Variants in TTN observed in about 807,000 individuals in gnomAD.
TTN encodes the protein connectin.
TTN carries 1,525 observed loss-of-function variants against 3,223.0 expected under a neutral mutation model. The observed-to-expected ratio is 0.47, with a 90% CI of 0.45 to 0.49. The LOEUF (loss-of-function observed/expected upper bound fraction) is 0.49, where lower values mean the gene tolerates loss of function less well. Among genes scored for constraint, TTN ranks in the 20% least tolerant of loss-of-function variants. The pLI, the probability that TTN is intolerant of heterozygous loss-of-function variation, is 0.00. For missense variants in TTN, 40,786 were observed against 43,424.0 expected (o/e 0.94, Z 5.40); for synonymous variants, 14,094 against 15,161.0 (o/e 0.93, Z 5.17).
rs769474668 is a variant in TTN, at chr2:178,776,334, C to A, written c.5530G>T (p.Val1844Phe). The A allele has an allele frequency of 1.7e-5, 28 of 1,613,824 alleles. No homozygotes were observed. The highest frequency in any genetic ancestry group is 2.2e-5 in the Non-Finnish European group (26 of 1,179,998). ...ACTCTAACTGGCTCTGGGTACAAGA[C>A]AATGTCTGGCTTTTGCTTTTCTTTC... Reference protein sequence around the residue: ...DQKEKQKPDIVLYPEPVRVLE... With the variant: ...DQKEKQKPDIFLYPEPVRVLE... The change falls in exon 28 of 363, where the codon GTC becomes TTC. Residue 1844 changes from valine to phenylalanine, a missense_variant. Transcript: ENST00000589042.
In TTN at chr2:178,756,669, C is replaced by G; in HGVS notation, c.10807G>C (p.Gly3603Arg). 12 of 1,613,802 alleles carry G rather than the reference C, an allele frequency of 7.4e-6. No homozygotes were observed. Among genetic ancestry groups the G allele is most frequent in the Non-Finnish European group, 1.0e-5 (12 of 1,179,814 alleles). The change falls in exon 46 of 363, where the codon GGA becomes CGA. Residue 3603 changes from glycine (G) to arginine (R), a missense_variant. Coordinates refer to ENST00000589042, the MANE Select transcript of TTN (RefSeq NM_001267550.2). ...ISQKEIKSFQ[G>R]SSYEYEVQVF... Reference sequence around the variant, plus strand: ...TGCACTTCATATTCATATGATGATCCTTGAAATGACTTAATTTCCTTTTGA... The same window carrying G: ...TGCACTTCATATTCATATGATGATCGTTGAAATGACTTAATTTCCTTTTGA...
rs770461143 is a variant in TTN, at chr2:178,613,918, A to G, written c.49365T>C (p.Thr16455=). ...TAGTGATATCAGAAGGTTCTAGGCG[A>G]GTTGGAGGACCAGGTGGATCTATAG... ...KYQFDPPGPP[T]RLEPSDITKD... Residue 16455 remains threonine (T), a synonymous_variant, in exon 263 of 363, where the codon ACT becomes ACC. Transcript: ENST00000589042. 1.2e-6 allele frequency: 2 copies of G among 1,608,226 alleles called. No homozygotes were observed. The highest frequency in any genetic ancestry group is 2.2e-5 in the South Asian group (2 of 90,134).
Position 178,604,044 on chromosome 2 carries a change from G to A in TTN, c.54643C>T (p.Arg18215Cys), listed in dbSNP as rs187167219. The A allele has an allele frequency of 2.0e-5, 33 of 1,612,842 alleles. No homozygotes were observed. In the East Asian group the frequency reaches 4.9e-4, roughly 24 times the overall value. The change falls in exon 282 of 363, where the codon CGT becomes TGT. Residue 18215 changes from arginine (R) to cysteine (C), a missense_variant. Arg to Cys is a radical substitution (Grantham distance 180). Transcript: ENST00000589042. ...KREEGSPYWS[R>C]VSRAPITKVG... ...TTGGTTATTGGTGCTCGGCTAACAC[G>A]TGACCAATAAGGACTTCCCTCTTCT...
Position 178,723,228 on chromosome 2 carries a change from G to A in TTN, c.21779C>T (p.Ser7260Phe), listed in dbSNP as rs187925021. The A allele has an allele frequency of 6.2e-7, 1 of 1,613,574 alleles. No homozygotes were observed. Among genetic ancestry groups the A allele is most frequent in the Non-Finnish European group, 8.5e-7 (1 of 1,179,668 alleles). ...AAAACCATCCTTTTTCCAAGTGACA[G>A]AAATTGGAAGTGTTCCAGTGTAGGT... ...ESTYTGTLPI[S>F]VTWKKDGFNI... is the part of the protein sequence containing the mutation. Residue 7260 changes from serine (S) to phenylalanine (F), a missense_variant, in exon 75 of 363, where the codon TCT becomes TTT. Transcript: ENST00000589042.
chr2:178,723,425 A>G lies in TTN; in HGVS notation c.21675T>C (p.Phe7225=). ...GAATCCACTTGAGCAAACCTTTCAC[A>G]AAGAGACGGGTAGTGCAAGATGCTT... ...AGQASCTTRL[F]VKEPAAFLKR... Residue 7225 remains phenylalanine, a synonymous_variant, in exon 74 of 363, where the codon TTT becomes TTC. Coordinates refer to ENST00000589042, the MANE Select transcript of TTN (RefSeq NM_001267550.2). 1 of 1,610,632 alleles carries G rather than the reference A, an allele frequency of 6.2e-7. No homozygotes were observed. The highest frequency in any genetic ancestry group is 8.5e-7 in the Non-Finnish European group (1 of 1,178,048).
chr2:178,800,173 C>G (rs888271334), intron 4 of TTN, among the ~76,000 whole-genome samples: 1 of 152,138 alleles, frequency 6.6e-6, no homozygotes, highest in Non-Finnish European at 1.5e-5. Context: ...TTAATTGAAA[C>G]CCTTTCCAGT....
Position 178,707,781 on chromosome 2 carries a change from G to A in TTN, c.28786C>T (p.Leu9596Phe), listed in dbSNP as rs2076095126. 5 of 1,609,320 alleles carry A rather than the reference G, an allele frequency of 3.1e-6. No homozygotes were observed. The highest frequency in any genetic ancestry group is 4.2e-6 in the Non-Finnish European group (5 of 1,176,554). Residue 9596 changes from leucine (L) to phenylalanine (F), a missense_variant, in exon 100 of 363, where the codon CTT becomes TTT. Leu to Phe is a conservative substitution (Grantham distance 22). Coordinates refer to ENST00000589042, the MANE Select transcript of TTN (RefSeq NM_001267550.2). ...PKKPPVFDQH[L>F]TPVTVSEGEY... ...CCTTCACTCACTGTTACTGGAGTAA[G>A]GTGCTGATCAAATACAGGTGGCTTC...
chr2:178,689,026 T>G, intron 125 of TTN, 27 bp downstream of exon 125: 2 of 1,430,584 alleles, frequency 1.4e-6, no homozygotes, highest in Non-Finnish European at 1.9e-6. Flanking sequence ...TTTTTTTTTT[T>G]TGTCAGAGGA....
rs117379921 is a variant in TTN at position 178,675,845 on chromosome 2, C to T, written c.34453+76G>A. 701 of 1,541,856 alleles carry T rather than the reference C, an allele frequency of 4.5e-4. 3 individuals are homozygous for T. The East Asian group carries it at 0.014, about 31-fold the overall frequency. Reference sequence around the variant, plus strand: ...GTAATATAAGTTGTATTAACAAATACGGAAACAGGACATTTTGACTTTTAT... The same window carrying T: ...GTAATATAAGTTGTATTAACAAATATGGAAACAGGACATTTTGACTTTTAT... On this transcript the variant is annotated intron_variant, in intron 148 of 362. Coordinates refer to ENST00000589042, the MANE Select transcript of TTN (RefSeq NM_001267550.2).
rs988844595 is a variant in TTN, at chr2:178,647,399, C to T, written c.40123G>A (p.Glu13375Lys). Reference sequence around the variant, plus strand: ...CGTGTACCTTCAGCAGGTGGAACTTCTGGCTCTGCAGGGATAGGCACAGAC... The same window carrying T: ...CGTGTACCTTCAGCAGGTGGAACTTTTGGCTCTGCAGGGATAGGCACAGAC... ...EVSVPIPAEPEVPPAEVEETP... is the reference protein window; with the variant it reads ...EVSVPIPAEPKVPPAEVEETP... The change falls in exon 214 of 363, where the codon GAA becomes AAA. Residue 13375 changes from glutamate to lysine, a missense_variant. Transcript: ENST00000589042. 72 of 1,549,696 alleles carry T rather than the reference C, an allele frequency of 4.6e-5. No homozygotes were observed. In the Admixed American group the frequency reaches 1.4e-3, roughly 30 times the overall value.
chr2:178,740,904 C>T lies in TTN; in HGVS notation c.12329G>A (p.Gly4110Glu). 1 of 1,613,810 alleles carries T rather than the reference C, an allele frequency of 6.2e-7. No homozygotes were observed. The highest frequency in any genetic ancestry group is 1.1e-5 in the South Asian group (1 of 91,072). Residue 4110 changes from glycine to glutamate, a missense_variant, in exon 48 of 363, where the codon GGA becomes GAA. Gly to Glu is a moderately conservative substitution (Grantham distance 98, BLOSUM62 -2). Transcript: ENST00000589042. ...ANELSSQLPL[G>E]AQELQSILEQ... ...CAAAATGGATTGCAATTCCTGAGCTCCCAAAGGAAGCTGACTGCTCAATTC... is the reference window on the plus strand; with the variant it reads ...CAAAATGGATTGCAATTCCTGAGCTTCCAAAGGAAGCTGACTGCTCAATTC...
At position 178,731,100 on chromosome 2, in the gene TTN, T is replaced by C. The variant is rs745763221; in HGVS notation, c.17565A>G (p.Lys5855=). 2.0e-5 allele frequency: 33 copies of C among 1,613,738 alleles called. No individual in the cohort carries two copies. Among genetic ancestry groups the C allele is most frequent in the Non-Finnish European group, 2.5e-5 (29 of 1,179,726 alleles). ...KFSGTKEITA[K]WFKDGQELTL... ...TCAGTTCTTGGCCATCTTTAAACCA[T>C]TTGGCTGTAATCTCCTTAGTCCCTG... Residue 5855 remains lysine (K), a synonymous_variant, in exon 60 of 363, where the codon AAA becomes AAG. Coordinates refer to ENST00000589042, the MANE Select transcript of TTN (RefSeq NM_001267550.2).
At chr2:178,714,669 G>C in intron 90 of TTN, 96 bp from the exon 91 acceptor site, 1 of 1,344,126 alleles carries the variant, frequency 7.4e-7, no homozygotes, top group Non-Finnish European at 9.9e-7. Context: ...TAGTGATAAT[G>C]TGTTATTTCC....
Position 178,707,569 on chromosome 2 carries a change from A to C in TTN, c.28998T>G (p.Asn9666Lys). ...ATTTGGTAGTGTCACTTCCAGCCAC[A>C]TTTGAAGCTTTACACACATAATCTC... is the stretch of plus-strand genomic sequence containing the variant. ...DSGDYVCKAS[N>K]VAGSDTTKSK... The change falls in exon 100 of 363, where the codon AAT becomes AAG. Residue 9666 changes from asparagine (N) to lysine (K), a missense_variant. By Grantham distance (94) the Asn-to-Lys change is moderately conservative. Coordinates refer to ENST00000589042, the MANE Select transcript of TTN (RefSeq NM_001267550.2). 6.2e-7 allele frequency: 1 copy of C among 1,613,792 alleles called. No individual in the cohort carries two copies. Among genetic ancestry groups the C allele is most frequent in the South Asian group, 1.1e-5 (1 of 91,066 alleles).
intron 2 of TTN, among the ~76,000 whole-genome samples, chr2:178,803,933 G>T (rs980043319): frequency 1.4e-4 from 21 of 152,064 alleles, no homozygotes; most frequent in African/African-American, 4.8e-4. Context: ...TAGGGTTAGT[G>T]TTTGCTTCCT....
chr2:178,607,008 C>G lies in TTN; in HGVS notation c.53581+13G>C. The G allele has an allele frequency of 1.3e-6, 2 of 1,598,994 alleles. No individual in the cohort carries two copies. The highest frequency in any genetic ancestry group is 1.8e-5 in the Admixed American group (1 of 55,648). Reference sequence around the variant, plus strand: ...ACATTACTCTATAAACACAATGAAACCTTCTCTTTTACCTAGTGGATCAAC... The same window carrying G: ...ACATTACTCTATAAACACAATGAAAGCTTCTCTTTTACCTAGTGGATCAAC... On this transcript the variant is annotated intron_variant, in intron 278 of 362. Coordinates refer to ENST00000589042, the MANE Select transcript of TTN (RefSeq NM_001267550.2).
rs1384517646 is a variant in TTN at position 178,696,216 on chromosome 2, T to C, written c.30856A>G (p.Ile10286Val). 1 of 1,563,686 alleles carries C rather than the reference T, an allele frequency of 6.4e-7. No homozygotes were observed. The highest frequency in any genetic ancestry group is 2.3e-5 in the East Asian group (1 of 43,470). Residue 10286 changes from isoleucine to valine, a missense_variant, in exon 114 of 363, where the codon ATA becomes GTA. Ile to Val is a conservative substitution (Grantham distance 29). Coordinates refer to ENST00000589042, the MANE Select transcript of TTN (RefSeq NM_001267550.2). ...SKAEEVKIMT[I>V]TRKKEVQKEK... ...TTCTGAACCTCTTTCTTTCTGGTTATAGTCATTATTTTTACTTCTTCAGCT... is the reference window on the plus strand; with the variant it reads ...TTCTGAACCTCTTTCTTTCTGGTTACAGTCATTATTTTTACTTCTTCAGCT...
chr2:178,708,050 T>C (rs1017966347), intron 99 of TTN, among the ~76,000 whole-genome samples: 1 of 152,206 alleles, frequency 6.6e-6, no homozygotes, highest in Non-Finnish European at 1.5e-5. Flanking sequence ...TGCCCACAAA[T>C]TGCCCCAGCC....
At position 178,539,544 on chromosome 2, in the gene TTN, C is replaced by T; in HGVS notation, c.98521G>A (p.Ala32841Thr). Residue 32841 changes from alanine to threonine, a missense_variant, in exon 352 of 363, where the codon GCC becomes ACC. Transcript: ENST00000589042. ...CTGGAATCAATGGTATACCAGGCGG[C>T]TTTAGGCACTTCTCGTCTCTCGAGG... Reference protein sequence around the residue: ...YILERREVPKAAWYTIDSRVR... With the variant: ...YILERREVPKTAWYTIDSRVR... 6.2e-7 allele frequency: 1 copy of T among 1,613,806 alleles called. No individual in the cohort carries two copies. Among genetic ancestry groups the T allele is most frequent in the Non-Finnish European group, 8.5e-7 (1 of 1,179,784 alleles).
Sources: allele counts gnomAD v4.1 joint callset (sites outside exome capture counted in the v4.1 genomes callset), GRCh38; gene constraint gnomAD v4.1.1; transcripts MANE v1.5; gene names NCBI Gene and HGNC (gene_info 2026-07-23, HGNC 2026-07-21).